The following CLTC variants were observed in gnomAD, a reference collection of about 807,000 sequenced individuals.
CLTC encodes the protein clathrin heavy chain 1.
Under a neutral mutation model 195.8 loss-of-function variants are expected in CLTC, and 16 were observed. The ratio of observed to expected loss-of-function variants is 0.08; its 90% CI spans 0.06 to 0.12. CLTC has a LOEUF of 0.12. CLTC is among the 10% of genes least tolerant of loss of function. The pLI is 1.00. For missense variants in CLTC, 796 were observed against 2,027.0 expected, an observed-to-expected ratio of 0.39 and a Z score of 11.66; for synonymous variants, 667 against 689.4, an observed-to-expected ratio of 0.97 and a Z score of 0.51.
intron 1 of CLTC, among the ~76,000 whole-genome samples, chr17:59,636,838 C>G (rs969380586): frequency 2.6e-5 from 4 of 152,110 alleles, no homozygotes; most frequent in Non-Finnish European, 5.9e-5. Flanking sequence ...TCTTGGCTCA[C>G]TGCAGCCTCT....
intron 1 of CLTC, among the ~76,000 whole-genome samples, chr17:59,632,198 C>A (rs2031740307): frequency 6.6e-6 from 1 of 151,690 alleles, no homozygotes; most frequent in African/African-American, 2.4e-5. Flanking sequence ...GAAACCCCGT[C>A]TCTACTAAAA....
rs567422985 is a variant in CLTC, at chr17:59,685,041, C to CT, written c.4435-4dup. 0.054 allele frequency: 50,915 copies of CT among 946,888 alleles called. 25 individuals carry two copies. The highest frequency in any genetic ancestry group is 0.059 in the Non-Finnish European group (39,505 of 673,426). 58.7% of individuals were successfully genotyped at this position (946,888 alleles called of 1,614,324 possible). The stretch of plus-strand genomic sequence containing the variant: ...AAATACTGATCTGGCATTTGGATGG[C>CT]TTTTTTTTTTTAAGGCTCTGCGAAC... On this transcript the variant is annotated splice_polypyrimidine_tract_variant and intron_variant, in intron 28 of 31. Transcript: ENST00000269122. The surrounding 1 kb of genome is among the most constrained non-coding windows in gnomAD (Gnocchi z 5.0).
At chr17:59,649,621 C>A (rs2032280084) in intron 4 of CLTC, among the ~76,000 whole-genome samples, 1 of 152,132 alleles carries the variant, frequency 6.6e-6, no homozygotes, top group Non-Finnish European at 1.5e-5. Flanking sequence ...GGACATGTGT[C>A]TCTCTCTTTG....
intron 10 of CLTC, 148 bp downstream of exon 10, chr17:59,665,057 A>G: frequency 2.0e-6 from 2 of 1,021,950 alleles, no homozygotes; most frequent in Admixed American, 2.8e-5. Context: ...AGACCCTGTA[A>G]CTACAAAAAA....
Position 59,682,559 on chromosome 17 carries a change from T to C in CLTC, c.3601-70T>C. On this transcript the variant is annotated intron_variant, in intron 22 of 31. Coordinates refer to ENST00000269122, the MANE Select transcript of CLTC (RefSeq NM_004859.4). The surrounding 1 kb of genome is among the most constrained non-coding windows in gnomAD (Gnocchi z 6.8). ...AACAAATTCTTTCTCATTGTGAAGA[T>C]ATCAATTTGAAAAGAGGATTAAGCT... 1.3e-6 allele frequency: 2 copies of C among 1,584,838 alleles called. No homozygotes were observed. The highest frequency in any genetic ancestry group is 1.7e-6 in the Non-Finnish European group (2 of 1,161,904).
Position 59,655,900 on chromosome 17 carries a change from A to T in CLTC, c.842A>T (p.Tyr281Phe), listed in dbSNP as rs755458497. The T allele has an allele frequency of 6.2e-7, 1 of 1,609,538 alleles. No individual in the cohort carries two copies. The change falls in exon 6 of 32, where the codon TAT becomes TTT. Residue 281 changes from tyrosine to phenylalanine, a missense_variant. Physicochemically the swap from Tyr to Phe is conservative, Grantham distance 22. Around this residue, in one of 9 missense-constraint regions of CLTC, gnomAD observed 293 missense variants for 795.6 expected, o/e 0.37. Transcript: ENST00000269122. The part of the protein sequence containing the change: ...DVVFLITKYG[Y>F]IHLYDLETGT... ...GTGTTCTTGATAACCAAGTATGGTTATATCCACCTCTATGATCTTGAGACT... is the reference window on the plus strand; with the variant it reads ...GTGTTCTTGATAACCAAGTATGGTTTTATCCACCTCTATGATCTTGAGACT...
chr17:59,688,814 T>C (rs1477193798), intron 30 of CLTC, among the ~76,000 whole-genome samples: 1 of 152,196 alleles, frequency 6.6e-6, no homozygotes, highest in African/African-American at 2.4e-5. Flanking sequence ...AGTCCGGAAA[T>C]GTATTATGCA....
chr17:59,647,781 A>G (rs2032232014), intron 3 of CLTC, 115 bp downstream of exon 3: 1 of 961,208 alleles, frequency 1.0e-6, no homozygotes. Context: ...AATTTCACTT[A>G]TTTTGGAAGA....
At position 59,685,879 on chromosome 17, in the gene CLTC, T is replaced by C; in HGVS notation, c.4827+71T>C. The C allele has an allele frequency of 2.6e-6, 3 of 1,161,746 alleles. No individual in the cohort carries two copies. The highest frequency in any genetic ancestry group is 3.7e-6 in the Non-Finnish European group (3 of 817,204). The allele number at this position is 1,161,746 out of a possible 1,614,324, so 72.0% of individuals were successfully genotyped here. A position where few individuals can be genotyped will look rare whatever the true frequency, so the allele number is the denominator to read the frequency against. On this transcript the variant is annotated intron_variant, in intron 30 of 31. Coordinates refer to ENST00000269122, the MANE Select transcript of CLTC (RefSeq NM_004859.4). The surrounding 1 kb of genome is among the most constrained non-coding windows in gnomAD (Gnocchi z 5.0). ...AAAATTCTACATGCACATTAATTTT[T>C]TTAAATGCTTTTTTCTTTAGTAGAA...
intron 1 of CLTC, among the ~76,000 whole-genome samples, chr17:59,634,083 A>G (rs2031797924): frequency 6.6e-6 from 1 of 151,830 alleles, no homozygotes. Flanking sequence ...CAGTTTTTTT[A>G]TTTTTTGTAG....
chr17:59,641,676 A>G (rs898215829), intron 1 of CLTC, among the ~76,000 whole-genome samples: 1 of 150,906 alleles, frequency 6.6e-6, no homozygotes, highest in Non-Finnish European at 1.5e-5. Context: ...TAAATAAAGT[A>G]TATCTATTCC....
At chr17:59,651,143 G>A (rs1283596963) in intron 4 of CLTC, 60 bp from the exon 5 acceptor site, 1 of 1,026,684 alleles carries the variant, frequency 9.7e-7, no homozygotes, top group African/African-American at 1.6e-5. Context: ...TACAAATAAA[G>A]CTGCTGTGAT....
intron 14 of CLTC, among the ~76,000 whole-genome samples, chr17:59,672,821 G>T (rs1483546006): frequency 2.0e-5 from 3 of 152,074 alleles, no homozygotes; most frequent in African/African-American, 2.4e-5. Flanking sequence ...ACCCTACTTA[G>T]TTCTGCTTCC....
In CLTC at chr17:59,648,153, A is replaced by C. The variant is rs113143650; in HGVS notation, c.520-87A>C. 4.5e-5 allele frequency: 55 copies of C among 1,214,298 alleles called. No homozygotes were observed. In the Middle Eastern group the frequency reaches 1.0e-3, roughly 22 times the overall value. The allele number at this position is 1,214,298 out of a possible 1,614,324, so 75.2% of individuals were successfully genotyped here. Reference sequence around the variant, plus strand: ...ATTATAAATCCTGCTAAAGATGACAAAGCATTCTAATTATTTCATTACTTG... The same window carrying C: ...ATTATAAATCCTGCTAAAGATGACACAGCATTCTAATTATTTCATTACTTG... On this transcript the variant is annotated intron_variant, in intron 3 of 31. Transcript: ENST00000269122. The surrounding 1 kb of genome is among the most constrained non-coding windows in gnomAD (Gnocchi z 4.5).
chr17:59,674,667 A>T (rs1334835072), intron 15 of CLTC, 34 bp from the exon 16 acceptor site: 2 of 1,579,940 alleles, frequency 1.3e-6, no homozygotes, highest in East Asian at 2.3e-5. Flanking sequence ...TTTTAATAAC[A>T]TAATAACATT....
chr17:59,637,284 G>A (rs985914826), intron 1 of CLTC, among the ~76,000 whole-genome samples: 2 of 151,252 alleles, frequency 1.3e-5, no homozygotes, highest in South Asian at 2.1e-4. Context: ...TTGCTCTGTC[G>A]CCCAGGCTGG....
intron 16 of CLTC, among the ~76,000 whole-genome samples, 156 bp from the exon 17 acceptor site, chr17:59,676,798 C>T (rs1386940946): frequency 1.3e-5 from 2 of 152,036 alleles, no homozygotes; most frequent in Admixed American, 6.6e-5. Context: ...ATAGCCACTG[C>T]ACTTCAGCCT....
At chr17:59,690,112 T>C (rs2033264559) in intron 30 of CLTC, 1 of 152,246 alleles carries the variant, frequency 6.6e-6, no homozygotes, top group Non-Finnish European at 1.5e-5. Context: ...TGCAAAAAGA[T>C]TGAATATGGA....
intron 1 of CLTC, among the ~76,000 whole-genome samples, chr17:59,620,594 C>A (rs1409618907): frequency 2.0e-5 from 3 of 150,516 alleles, no homozygotes; most frequent in Non-Finnish European, 4.4e-5. Flanking sequence ...TCTCCTCTTT[C>A]CCTCATCGTG....
Sources: allele counts gnomAD v4.1 joint callset (sites outside exome capture counted in the v4.1 genomes callset), GRCh38; gene constraint gnomAD v4.1.1; regional missense constraint gnomAD v4.1.1; non-coding constraint Gnocchi (gnomAD v3.1); transcripts MANE v1.5; gene names NCBI Gene and HGNC (gene_info 2026-07-23, HGNC 2026-07-21).